HRH2: variants seen among roughly 807,000 people sequenced by gnomAD.
HRH2 encodes histamine receptor H2.
A neutral mutation model predicts 20.1 loss-of-function variants in HRH2; 4 were observed. The observed-to-expected ratio is 0.20, with a 90% CI of 0.10 to 0.45. The LOEUF is 0.45. Ranked by LOEUF, HRH2 falls within the 20% of genes least tolerant of loss-of-function variation. HRH2 has a pLI of 0.99. For synonymous variants in HRH2, 197 were observed against 200.7 expected (o/e 0.98, Z 0.16); for missense variants, 250 against 461.6 (o/e 0.54, Z 4.20).
intron 1 of HRH2, among the ~76,000 whole-genome samples, chr5:175,668,427 A>C (rs1755388248): frequency 1.3e-5 from 2 of 152,006 alleles, no homozygotes; most frequent in South Asian, 4.2e-4. Flanking sequence ...GGGGAATATT[A>C]CTCAGGAAGT....
intron 2 of HRH2, among the ~76,000 whole-genome samples, chr5:175,699,483 G>A (rs748666615): frequency 4.6e-4 from 70 of 152,142 alleles, no homozygotes; most frequent in Non-Finnish European, 9.3e-4. Context: ...TGAAACTGAC[G>A]CTCTCAGTCT....
At chr5:175,702,575 G>A (rs1367400713) in intron 2 of HRH2, among the ~76,000 whole-genome samples, 3 of 121,124 alleles carry the variant, frequency 2.5e-5, no homozygotes, top group Non-Finnish European at 4.9e-5. Flanking sequence ...TTTTTGAGAC[G>A]GAGTCTCACT....
At chr5:175,698,646 C>T (rs376566072) in intron 2 of HRH2, among the ~76,000 whole-genome samples, 5 of 152,166 alleles carry the variant, frequency 3.3e-5, no homozygotes, top group Non-Finnish European at 7.3e-5. Context: ...CGCAGCCTCC[C>T]GGTCAGGTCC....
intron 1 of HRH2, among the ~76,000 whole-genome samples, chr5:175,671,624 A>G (rs1163239865): frequency 6.6e-6 from 1 of 152,216 alleles, no homozygotes; most frequent in Non-Finnish European, 1.5e-5. Context: ...ACACACATAC[A>G]TACATACAAA....
chr5:175,678,355 G>A (rs1755832153), intron 1 of HRH2, among the ~76,000 whole-genome samples: 1 of 152,166 alleles, frequency 6.6e-6, no homozygotes. Flanking sequence ...CACGTGCCGG[G>A]CACTAAGGCT....
intron 2 of HRH2, among the ~76,000 whole-genome samples, chr5:175,690,658 G>C (rs1182445974): frequency 6.6e-6 from 1 of 152,148 alleles, no homozygotes; most frequent in Non-Finnish European, 1.5e-5. Context: ...GTGGTTTCTA[G>C]TATATTCATG....
At chr5:175,702,741 T>G (rs1210990183) in intron 2 of HRH2, among the ~76,000 whole-genome samples, 1 of 148,456 alleles carries the variant, frequency 6.7e-6, no homozygotes, top group Non-Finnish European at 1.5e-5. Context: ...TTTTTTTTTT[T>G]GTATTTTTAG....
intron 2 of HRH2, among the ~76,000 whole-genome samples, chr5:175,697,290 C>T (rs1208497703): frequency 1.3e-5 from 2 of 151,856 alleles, no homozygotes; most frequent in Admixed American, 6.6e-5. Flanking sequence ...GGTGAAACCC[C>T]GTCTCTACTA....
At chr5:175,676,442 G>A (rs867956630) in intron 1 of HRH2, among the ~76,000 whole-genome samples, 152 of 152,250 alleles carry the variant, frequency 1.0e-3, no homozygotes, top group African/African-American at 3.7e-3. Context: ...ATCTCTTCCT[G>A]TGTCTGAACT....
intron 2 of HRH2, among the ~76,000 whole-genome samples, chr5:175,703,693 A>G (rs908882041): frequency 3.3e-5 from 5 of 152,170 alleles, no homozygotes; most frequent in Admixed American, 6.5e-5. Flanking sequence ...AAACATAAGT[A>G]AAGACTATGA....
At position 175,709,643 on chromosome 5, in the gene HRH2, T is replaced by C. The variant is rs1757037739; in HGVS notation, c.*1672T>C. The C allele has an allele frequency of 6.5e-6, 1 of 152,680 alleles. No individual in the cohort carries two copies. Among genetic ancestry groups the C allele is most frequent in the Non-Finnish European group, 1.5e-5 (1 of 68,412 alleles). The allele number at this position is 152,680 out of a possible 1,614,324, so 9.5% of individuals were successfully genotyped here. On this transcript the variant is annotated 3_prime_UTR_variant, in exon 3 of 3. Coordinates refer to ENST00000636584, the MANE Select transcript of HRH2 (RefSeq NM_001367711.1). ...CCACCTCCGTTTGCCTCAGTCCTCA[T>C]GGAGCCCTGGCTCCACTGTCTGCTG...
At chr5:175,680,549 TGA>T in intron 1 of HRH2, among the ~76,000 whole-genome samples, 1 of 152,210 alleles carries the variant, frequency 6.6e-6, no homozygotes, top group East Asian at 1.9e-4. Context: ...AAGGACAGTT[TGA>T]GAGACTATTT....
intron 2 of HRH2, among the ~76,000 whole-genome samples, chr5:175,692,508 A>G (rs944874736): frequency 3.9e-5 from 6 of 152,214 alleles, no homozygotes; most frequent in Non-Finnish European, 5.9e-5. Flanking sequence ...GGGGATAAAA[A>G]TGCCTCCCTG....
chr5:175,675,289 T>C (rs1342577814), intron 1 of HRH2, among the ~76,000 whole-genome samples: 1 of 152,192 alleles, frequency 6.6e-6, no homozygotes, highest in African/African-American at 2.4e-5. Flanking sequence ...TGGGGTCCCA[T>C]ATCTGCTACC....
chr5:175,685,739 C>T (rs1756149973), intron 2 of HRH2: 1 of 566,334 alleles, frequency 1.8e-6, no homozygotes, highest in Non-Finnish European at 3.2e-6. Flanking sequence ...GCCTGAAGCT[C>T]ACATGAGCGA....
At chr5:175,684,814 G>C (rs977644102) in intron 2 of HRH2, among the ~76,000 whole-genome samples, 6 of 152,160 alleles carry the variant, frequency 3.9e-5, no homozygotes, top group African/African-American at 9.7e-5. Context: ...CCGTGGGGGG[G>C]GTGTAAGTTG....
intron 1 of HRH2, among the ~76,000 whole-genome samples, chr5:175,659,617 C>A (rs1762674509): frequency 6.6e-6 from 1 of 152,272 alleles, no homozygotes; most frequent in Admixed American, 6.5e-5. Flanking sequence ...TGTGGTCACA[C>A]CGGTAGGAAG....
At chr5:175,678,353 G>A (rs898562719) in intron 1 of HRH2, among the ~76,000 whole-genome samples, 1 of 152,138 alleles carries the variant, frequency 6.6e-6, no homozygotes, top group African/African-American at 2.4e-5. Flanking sequence ...ACCACGTGCC[G>A]GGCACTAAGG....
At chr5:175,704,581 A>G (rs1230433135) in intron 2 of HRH2, among the ~76,000 whole-genome samples, 2 of 152,204 alleles carry the variant, frequency 1.3e-5, no homozygotes, top group African/African-American at 4.8e-5. Context: ...TCAACATATT[A>G]CCGGAGATCA....
Sources: gnomAD v4.1 joint callset for allele counts (sites outside exome capture counted in the v4.1 genomes callset) on GRCh38, gnomAD v4.1.1 for gene constraint, MANE v1.5 for transcripts, NCBI Gene and HGNC (gene_info 2026-07-23, HGNC 2026-07-21) for gene names.